Variants in NMNAT2 observed in about 807,000 individuals in gnomAD.
NMNAT2 encodes the protein nicotinamide/nicotinic acid mononucleotide adenylyltransferase 2.
A neutral mutation model predicts 41.6 loss-of-function variants in NMNAT2; 11 were observed. The ratio of observed to expected loss-of-function variants is 0.26; its 90% CI spans 0.17 to 0.44. The LOEUF is 0.44. Ranked by LOEUF, NMNAT2 falls within the 20% of genes least tolerant of loss-of-function variation. NMNAT2 has a pLI of 1.00. For missense variants in NMNAT2, 288 were observed against 407.7 expected (o/e 0.71, Z 2.53); for synonymous variants, 148 against 151.2 (o/e 0.98, Z 0.16).
At chr1:183,412,153 G>T (rs1043511613) in intron 1 of NMNAT2, among the ~76,000 whole-genome samples, 1 of 152,228 alleles carries the variant, frequency 6.6e-6, no homozygotes, top group African/African-American at 2.4e-5. Flanking sequence ...GAGCTCTGGA[G>T]GATTTGGAGC....
At chr1:183,368,255 C>T (rs1208505026) in intron 1 of NMNAT2, among the ~76,000 whole-genome samples, 1 of 152,140 alleles carries the variant, frequency 6.6e-6, no homozygotes, top group Non-Finnish European at 1.5e-5. Flanking sequence ...GAGCCATTAG[C>T]TCGGAGGGCT....
chr1:183,338,064 ACTGACCTGCAT>A (rs776590573), intron 1 of NMNAT2, among the ~76,000 whole-genome samples: 1 of 150,094 alleles, frequency 6.7e-6, no homozygotes, highest in Non-Finnish European at 1.5e-5. Flanking sequence ...TGCCAGGCAC[ACTGACCTGCAT>A]CTGTAGTCCT....
chr1:183,410,849 C>T (rs996046380), intron 1 of NMNAT2, among the ~76,000 whole-genome samples: 3 of 151,708 alleles, frequency 2.0e-5, no homozygotes, highest in East Asian at 3.9e-4. Flanking sequence ...TCCCAAGTAG[C>T]TGGGACTACA....
chr1:183,416,648 A>G (rs1649259781), intron 1 of NMNAT2, among the ~76,000 whole-genome samples: 1 of 152,190 alleles, frequency 6.6e-6, no homozygotes, highest in Admixed American at 6.5e-5. Flanking sequence ...TGAAGAAGGG[A>G]TGGCTATCTC....
At chr1:183,365,644 AG>A (rs1328053061) in intron 1 of NMNAT2, among the ~76,000 whole-genome samples, 2 of 152,084 alleles carry the variant, frequency 1.3e-5, no homozygotes, top group African/African-American at 4.8e-5. Context: ...TAGCTGAGGC[AG>A]GAGAATCACT....
intron 1 of NMNAT2, among the ~76,000 whole-genome samples, chr1:183,411,624 AC>A (rs1279353268): frequency 3.3e-5 from 5 of 152,158 alleles, no homozygotes; most frequent in Admixed American, 6.5e-5. Context: ...TTTAATGAGC[AC>A]TCACTGTATG....
At chr1:183,335,361 T>C (rs1662661668) in intron 1 of NMNAT2, among the ~76,000 whole-genome samples, 1 of 152,114 alleles carries the variant, frequency 6.6e-6, no homozygotes, top group Non-Finnish European at 1.5e-5. Context: ...CCTCCAGCTG[T>C]GGATGCAAAT....
intron 1 of NMNAT2, among the ~76,000 whole-genome samples, chr1:183,316,997 C>A (rs1488166654): frequency 6.6e-6 from 1 of 152,184 alleles, no homozygotes; most frequent in African/African-American, 2.4e-5. Context: ...AATCACTAGA[C>A]CTGTGCACAT....
intron 1 of NMNAT2, among the ~76,000 whole-genome samples, chr1:183,404,110 T>TTC (rs1478196576): frequency 6.6e-6 from 1 of 151,340 alleles, no homozygotes; most frequent in Non-Finnish European, 1.5e-5. Flanking sequence ...TTTTTTTTTT[T>TTC]TTTTTTTGAG....
intron 1 of NMNAT2, among the ~76,000 whole-genome samples, chr1:183,298,958 G>T (rs1368815911): frequency 2.0e-5 from 3 of 152,328 alleles, no homozygotes; most frequent in Admixed American, 2.0e-4. Flanking sequence ...AGCTAGAATA[G>T]TTCATAGCAG....
chr1:183,354,154 C>G (rs1349862233), intron 1 of NMNAT2, among the ~76,000 whole-genome samples: 2 of 152,158 alleles, frequency 1.3e-5, no homozygotes, highest in Non-Finnish European at 2.9e-5. Context: ...ATGGCCAGAG[C>G]CTTGCCCTTA....
rs187186294 is a variant in NMNAT2, at chr1:183,413,368, A to G, written c.85+4815T>C. ...CTGTGTAGTTAGGACTACAGGCACC[A>G]TGTCCTCCTGTTTTTGGTCACATTC... On this transcript the variant is annotated intron_variant, in intron 1 of 10. Transcript: ENST00000287713. Among the ~76,000 whole-genome samples the G allele has an allele frequency of 1.3e-3, 189 of 150,974 alleles. 1 individual carries two copies. Among genetic ancestry groups the G allele is most frequent in the African/African-American group, 4.6e-3 (185 of 40,500 alleles).
chr1:183,360,256 C>A (rs986964303), intron 1 of NMNAT2, among the ~76,000 whole-genome samples: 1 of 152,078 alleles, frequency 6.6e-6, no homozygotes, highest in Non-Finnish European at 1.5e-5. Context: ...GATGAGGAAG[C>A]CAGATTTCAG....
intron 8 of NMNAT2, among the ~76,000 whole-genome samples, chr1:183,275,391 G>A (rs1661097494): frequency 6.6e-6 from 1 of 152,068 alleles, no homozygotes. Context: ...TCAGCTGTGG[G>A]TTGAGGCAGG....
At chr1:183,351,551 A>T (rs892733780) in intron 1 of NMNAT2, among the ~76,000 whole-genome samples, 1 of 152,172 alleles carries the variant, frequency 6.6e-6, no homozygotes, top group Non-Finnish European at 1.5e-5. Flanking sequence ...GTGCCTAGAA[A>T]ACCTCAACCA....
intron 10 of NMNAT2, among the ~76,000 whole-genome samples, chr1:183,257,195 C>T (rs1660538917): frequency 6.6e-6 from 1 of 151,910 alleles, no homozygotes; most frequent in African/African-American, 2.4e-5. Context: ...GTAATACCAG[C>T]ACTTTGGGAG....
intron 1 of NMNAT2, among the ~76,000 whole-genome samples, chr1:183,379,130 T>C (rs977039912): frequency 3.6e-4 from 53 of 148,668 alleles, no homozygotes; most frequent in African/African-American, 1.2e-3. Flanking sequence ...ATAGCAGATA[T>C]TGTCCGATTA....
At chr1:183,377,497 C>T (rs1029394533) in intron 1 of NMNAT2, among the ~76,000 whole-genome samples, 4 of 152,036 alleles carry the variant, frequency 2.6e-5, no homozygotes, top group Non-Finnish European at 4.4e-5. Context: ...TAGTCTATGC[C>T]ATAAATACAA....
intron 7 of NMNAT2, chr1:183,283,655 T>A (rs572163397): frequency 5.5e-6 from 2 of 366,026 alleles, no homozygotes; most frequent in East Asian, 6.9e-5. Flanking sequence ...CTCTTCTGCC[T>A]CATTTGTGTG....
Sources: gnomAD v4.1 joint callset for allele counts (sites outside exome capture counted in the v4.1 genomes callset) on GRCh38, gnomAD v4.1.1 for gene constraint, MANE v1.5 for transcripts, NCBI Gene and HGNC (gene_info 2026-07-23, HGNC 2026-07-21) for gene names.